Variants in SIN3B observed in about 807,000 individuals in gnomAD.
SIN3B encodes the protein paired amphipathic helix protein Sin3b.
In SIN3B, 19 loss-of-function variants were observed where a neutral mutation model predicts 120.2. The ratio of observed to expected loss-of-function variants is 0.16; its 90% CI spans 0.11 to 0.23. The LOEUF (loss-of-function observed/expected upper bound fraction) is 0.23, where lower values mean the gene tolerates loss of function less well. SIN3B is among the 10% of genes least tolerant of loss of function. The pLI is 1.00. For synonymous variants in SIN3B, 654 were observed against 653.2 expected (o/e 1.00, Z -0.02); for missense variants, 1,073 against 1,573.0 (o/e 0.68, Z 5.38).
At chr19:16,859,717 C>T (rs187665316) in intron 8 of SIN3B, among the ~76,000 whole-genome samples, 8 of 152,276 alleles carry the variant, frequency 5.3e-5, no homozygotes, top group Admixed American at 2.6e-4. Context: ...GGTGGGCACA[C>T]GGCTGGGCTT....
At position 16,852,744 on chromosome 19, in the gene SIN3B, G is replaced by A. The variant is rs2287795; in HGVS notation, c.850-325G>A. On this transcript the variant is annotated intron_variant, in intron 6 of 18. Transcript: ENST00000248054. ...TTCTTGTTGCTGTCTTGGCTCTCAG[G>A]ACAAAACAGGGAAAGGATTCTGAGA... Among the ~76,000 whole-genome samples the A allele has an allele frequency of 7.4e-3, 1,132 of 152,226 alleles. 31 individuals carry two copies. The highest frequency in any genetic ancestry group is 0.072 in the East Asian group (371 of 5,172).
intron 5 of SIN3B, among the ~76,000 whole-genome samples, chr19:16,847,608 G>A (rs145569094): frequency 2.5e-4 from 38 of 152,284 alleles, no homozygotes; most frequent in African/African-American, 9.1e-4. Context: ...GCAGAGATGG[G>A]CGAGGAGGGG....
At chr19:16,836,999 G>A (rs1053026447) in intron 3 of SIN3B, among the ~76,000 whole-genome samples, 1 of 152,154 alleles carries the variant, frequency 6.6e-6, no homozygotes, top group African/African-American at 2.4e-5. Flanking sequence ...AAGGTGGGGG[G>A]TCCGATGAGA....
At chr19:16,846,889 G>C (rs1008319568) in intron 4 of SIN3B, 81 bp from the exon 5 acceptor site, 4 of 1,471,750 alleles carry the variant, frequency 2.7e-6, no homozygotes, top group East Asian at 2.3e-5. Context: ...TCCCCTTCAC[G>C]GAGGGCTGCC....
Position 16,863,761 on chromosome 19 carries a change from G to A in SIN3B, c.1348G>A (p.Glu450Lys). 1 of 1,614,164 alleles carries A rather than the reference G, an allele frequency of 6.2e-7. No individual in the cohort carries two copies. Among genetic ancestry groups the A allele is most frequent in the Non-Finnish European group, 8.5e-7 (1 of 1,180,026 alleles). The change falls in exon 10 of 19, where the codon GAG (glutamate) becomes AAG (lysine). Residue 450 changes from glutamate to lysine, a missense_variant. Glu to Lys is a moderately conservative substitution (Grantham distance 56). Coordinates refer to ENST00000248054, the MANE Select transcript of SIN3B (RefSeq NM_001297595.2). ...FVSSKKTPYE[E>K]QLHRCEDERF... ...CAGCTCCAAGAAGACACCGTACGAG[G>A]AGCAGCTTCACCGCTGTGAGGACGA...
intron 3 of SIN3B, among the ~76,000 whole-genome samples, chr19:16,832,766 A>G (rs1240281323): frequency 2.0e-5 from 3 of 151,914 alleles, no homozygotes. Context: ...GGCCTCCCAC[A>G]GTGCTGGGAT....
rs2144577381 is a variant in SIN3B at position 16,836,733 on chromosome 19, C to A, written c.382-5035C>A. ...GCTAGCGGGTCCTCTTCAGGGCAGA[C>A]CCTGCCTCGTGGAAGATGACAGCTG... is the stretch of plus-strand genomic sequence containing the variant. On this transcript the variant is annotated intron_variant, in intron 3 of 18. Transcript: ENST00000248054. Among the ~76,000 whole-genome samples the A allele has an allele frequency of 1.3e-5, 2 of 152,264 alleles. 1 individual carries two copies. The highest frequency in any genetic ancestry group is 4.1e-4 in the South Asian group (2 of 4,822).
In SIN3B at chr19:16,857,553, G is replaced by GTGTGTGTGTGTGTGTGTGTGTA. The variant is rs66778532; in HGVS notation, c.1058+3293_1058+3294insGTGTGTGTGTGTGTGTGTGTAT. Among the ~76,000 whole-genome samples the GTGTGTGTGTGTGTGTGTGTGTA allele has an allele frequency of 5.7e-4, 79 of 139,546 alleles. 2 individuals are homozygous for GTGTGTGTGTGTGTGTGTGTGTA. The highest frequency in any genetic ancestry group is 4.3e-3 in the East Asian group (21 of 4,862). The allele number at this position is 139,546 out of a possible 152,430, so 91.5% of individuals were successfully genotyped here. The stretch of plus-strand genomic sequence containing the variant: ...TGTGTGTGTGTGTGTGTGTGTGTGT[G>GTGTGTGTGTGTGTGTGTGTGTA]TATATATACACATAAACATTTTTCT... On this transcript the variant is annotated intron_variant, in intron 8 of 18. Transcript: ENST00000248054.
intron 4 of SIN3B, among the ~76,000 whole-genome samples, chr19:16,843,415 A>G (rs1327216534): frequency 6.6e-6 from 1 of 152,202 alleles, no homozygotes; most frequent in African/African-American, 2.4e-5. Flanking sequence ...CCGTGCTGGC[A>G]TCATCATGGG....
chr19:16,871,553 A>G, intron 14 of SIN3B, 155 bp downstream of exon 14: 1 of 663,490 alleles, frequency 1.5e-6, no homozygotes, highest in Non-Finnish European at 2.5e-6. Context: ...AAAATTAACC[A>G]TTTTGAAGTG....
intron 8 of SIN3B, among the ~76,000 whole-genome samples, chr19:16,857,547 G>GTA (rs1442387905): frequency 7.6e-5 from 11 of 144,362 alleles, no homozygotes; most frequent in Middle Eastern, 3.5e-3. Context: ...GTGTGTGTGT[G>GTA]TGTGTGTATA....
chr19:16,835,512 T>C (rs544919007), intron 3 of SIN3B, among the ~76,000 whole-genome samples: 1 of 124,930 alleles, frequency 8.0e-6, no homozygotes, highest in Non-Finnish European at 1.7e-5. Flanking sequence ...TTTTTTTTTT[T>C]ACTTTAATTG....
At position 16,876,624 on chromosome 19, in the gene SIN3B, T is replaced by A; in HGVS notation, c.2859+46T>A. 1.3e-6 allele frequency: 2 copies of A among 1,492,926 alleles called. No individual in the cohort carries two copies. The highest frequency in any genetic ancestry group is 1.9e-6 in the Non-Finnish European group (2 of 1,076,996). The allele number at this position is 1,492,926 out of a possible 1,614,324, so 92.5% of individuals were successfully genotyped here. A position where few individuals can be genotyped will look rare whatever the true frequency, so the allele number is the denominator to read the frequency against. ...TGTGCCACGCATACCAGGGAGCGCC[T>A]GAGGGCAGCAGCATGGGGCTCCCAC... On this transcript the variant is annotated intron_variant, in intron 16 of 18. Transcript: ENST00000248054. This position sits in a 1 kb window ranked among gnomAD's most constrained non-coding sequence, Gnocchi z 7.1.
At chr19:16,863,592 T>C (rs1448973929) in intron 9 of SIN3B, 88 bp from the exon 10 acceptor site, 8 of 826,748 alleles carry the variant, frequency 9.7e-6, no homozygotes, top group Non-Finnish European at 6.5e-6. Flanking sequence ...GATGGTATTA[T>C]GTATCTTGGT....
chr19:16,866,736 A>AC (rs1460289325), intron 12 of SIN3B, among the ~76,000 whole-genome samples, 180 bp downstream of exon 12: 1 of 152,144 alleles, frequency 6.6e-6, no homozygotes, highest in Non-Finnish European at 1.5e-5. Context: ...CCCTAGGAGA[A>AC]CCAGCAACTC....
chr19:16,862,819 A>T lies in SIN3B; in HGVS notation c.1266+260A>T. ...GGCTTATTCATCTGTTATTTGACTT[A>T]GGTTTATTGCTGCCATGATTCTGCT... On this transcript the variant is annotated intron_variant, in intron 9 of 18. Transcript: ENST00000248054. This position sits in a 1 kb window ranked among gnomAD's most constrained non-coding sequence, Gnocchi z 4.7. The T allele has an allele frequency of 7.7e-7, 1 of 1,294,492 alleles. No individual in the cohort carries two copies. The highest frequency in any genetic ancestry group is 1.1e-6 in the Non-Finnish European group (1 of 892,602). 80.2% of individuals were successfully genotyped at this position (1,294,492 alleles called of 1,614,324 possible).
At chr19:16,851,381 G>C (rs147651852) in intron 5 of SIN3B, 31 bp from the exon 6 acceptor site, 13 of 1,554,656 alleles carry the variant, frequency 8.4e-6, no homozygotes, top group Non-Finnish European at 1.1e-5. Flanking sequence ...CCACGTCTCC[G>C]GTGCTGACCA....
At chr19:16,853,377 T>C (rs559234930) in intron 7 of SIN3B, among the ~76,000 whole-genome samples, 3 of 152,342 alleles carry the variant, frequency 2.0e-5, no homozygotes, top group African/African-American at 7.2e-5. Flanking sequence ...CAGTGGGTGC[T>C]GAGACTCCAA....
intron 8 of SIN3B, among the ~76,000 whole-genome samples, chr19:16,855,911 G>A (rs952870915): frequency 4.0e-5 from 6 of 151,854 alleles, no homozygotes; most frequent in South Asian, 2.1e-4. Flanking sequence ...ATAAAAATTC[G>A]CCGGGGGTGG....
Sources: gnomAD v4.1 joint callset for allele counts (sites outside exome capture counted in the v4.1 genomes callset) on GRCh38, gnomAD v4.1.1 for gene constraint, Gnocchi (gnomAD v3.1) non-coding constraint, MANE v1.5 for transcripts, NCBI Gene and HGNC (gene_info 2026-07-23, HGNC 2026-07-21) for gene names.